Variants in WWOX observed in about 807,000 individuals in gnomAD.
WWOX encodes the protein WW domain containing oxidoreductase.
WWOX carries 69 observed loss-of-function variants against 46.2 expected under a neutral mutation model. That is an observed-to-expected ratio of 1.49 (90% CI 1.23 to 1.82). The LOEUF (loss-of-function observed/expected upper bound fraction) is 1.82. Among genes scored for constraint, WWOX ranks in the 40% most tolerant of loss-of-function variants. The pLI is 0.00. For synonymous variants in WWOX, 359 were observed against 202.6 expected (o/e 1.77, Z -6.56); for missense variants, 919 against 542.6 (o/e 1.69, Z -6.89).
At chr16:78,940,387 A>G (rs2045827983) in intron 8 of WWOX, among the ~76,000 whole-genome samples, 2 of 152,208 alleles carry the variant, frequency 1.3e-5, no homozygotes, top group Admixed American at 6.5e-5. Flanking sequence ...GTTACTTCCC[A>G]TCTTAGCTCA....
intron 8 of WWOX, among the ~76,000 whole-genome samples, chr16:78,630,874 C>T (rs572552271): frequency 2.5e-5 from 3 of 117,944 alleles, no homozygotes; most frequent in East Asian, 2.8e-4. Flanking sequence ...CATATGCAGT[C>T]AGCCCCCCTC....
At chr16:79,072,801 A>G (rs1470794560) in intron 8 of WWOX, among the ~76,000 whole-genome samples, 1 of 152,176 alleles carries the variant, frequency 6.6e-6, no homozygotes, top group Non-Finnish European at 1.5e-5. Context: ...AGTATTTAGT[A>G]AATGCTTGGT....
chr16:78,180,143 T>C (rs777109782), intron 5 of WWOX, among the ~76,000 whole-genome samples: 8 of 152,178 alleles, frequency 5.3e-5, no homozygotes, highest in African/African-American at 9.7e-5. Flanking sequence ...TTATTTACAG[T>C]CTATTATGTT....
chr16:79,083,107 C>T (rs1483430860), intron 8 of WWOX, among the ~76,000 whole-genome samples: 1 of 152,164 alleles, frequency 6.6e-6, no homozygotes. Flanking sequence ...GAACCTGACA[C>T]ATTTAAGGAA....
At chr16:78,575,021 AAATATATATATATATATATATATATAT>A (rs2044823748) in intron 8 of WWOX, among the ~76,000 whole-genome samples, 5 of 13,334 alleles carry the variant, frequency 3.7e-4, no homozygotes, top group African/African-American at 2.6e-3. Flanking sequence ...ATATATATAT[AAATATATATATATATATATATATATAT>A]ATATATATAT....
intron 5 of WWOX, among the ~76,000 whole-genome samples, chr16:78,315,705 C>T (rs543966815): frequency 9.9e-5 from 15 of 152,274 alleles, no homozygotes; most frequent in Non-Finnish European, 1.9e-4. Flanking sequence ...ACAATCATTT[C>T]TTGTGCGCTA....
intron 8 of WWOX, among the ~76,000 whole-genome samples, chr16:78,617,523 C>T (rs967973670): frequency 6.6e-6 from 1 of 152,090 alleles, no homozygotes; most frequent in African/African-American, 2.4e-5. Context: ...AAGTGGTGGA[C>T]TTAAGAAGCC....
intron 8 of WWOX, among the ~76,000 whole-genome samples, chr16:78,990,623 C>T (rs534364441): frequency 6.6e-6 from 1 of 151,320 alleles, no homozygotes; most frequent in Non-Finnish European, 1.5e-5. Flanking sequence ...GCGAACAGGC[C>T]AGAATGTGAT....
intron 6 of WWOX, among the ~76,000 whole-genome samples, chr16:78,407,728 A>G (rs551788554): frequency 2.0e-5 from 3 of 152,316 alleles, no homozygotes; most frequent in African/African-American, 7.2e-5. Flanking sequence ...TATATTGTGA[A>G]ACATGGCTAT....
chr16:78,728,176 T>C (rs576949586), intron 8 of WWOX, among the ~76,000 whole-genome samples: 5 of 148,378 alleles, frequency 3.4e-5, no homozygotes, highest in Admixed American at 6.8e-5. Flanking sequence ...GTGATTCTCC[T>C]GCCTCAGCCT....
intron 8 of WWOX, among the ~76,000 whole-genome samples, chr16:79,198,174 C>A (rs867781206): frequency 8.4e-4 from 103 of 122,084 alleles, no homozygotes; most frequent in East Asian, 3.3e-3. Flanking sequence ...AAAAAAAAAA[C>A]AAAAACCACA....
intron 8 of WWOX, among the ~76,000 whole-genome samples, chr16:78,983,827 A>G (rs2046730649): frequency 6.6e-6 from 1 of 150,530 alleles, no homozygotes; most frequent in African/African-American, 2.4e-5. Flanking sequence ...CTAATGCAGA[A>G]CGATAGGACT....
intron 8 of WWOX, among the ~76,000 whole-genome samples, chr16:78,499,938 A>G (rs1420961828): frequency 6.6e-6 from 1 of 152,202 alleles, no homozygotes; most frequent in Non-Finnish European, 1.5e-5. Flanking sequence ...GTAGTACCAA[A>G]TGGTCCTTAC....
intron 8 of WWOX, among the ~76,000 whole-genome samples, chr16:78,512,115 C>T (rs1006838487): frequency 3.3e-5 from 5 of 152,164 alleles, no homozygotes; most frequent in East Asian, 3.9e-4. Context: ...AATTTTAAAA[C>T]GCTGGAAAAA....
intron 8 of WWOX, among the ~76,000 whole-genome samples, chr16:78,517,208 C>T (rs1179876706): frequency 1.3e-5 from 2 of 152,084 alleles, no homozygotes; most frequent in African/African-American, 4.8e-5. Context: ...TATCAAGGAG[C>T]TTATCATCTA....
chr16:78,712,125 C>A (rs2048456921), intron 8 of WWOX, among the ~76,000 whole-genome samples: 1 of 152,130 alleles, frequency 6.6e-6, no homozygotes, highest in South Asian at 2.1e-4. Context: ...TGAGAAAATG[C>A]TCTGACCAAT....
intron 5 of WWOX, among the ~76,000 whole-genome samples, chr16:78,363,565 C>T (rs1437074567): frequency 6.6e-6 from 1 of 152,134 alleles, no homozygotes; most frequent in Non-Finnish European, 1.5e-5. Context: ...AGGTGTGAGC[C>T]ACTGTCCCAG....
chr16:78,236,776 A>T (rs1380988185), intron 5 of WWOX, among the ~76,000 whole-genome samples: 1 of 152,088 alleles, frequency 6.6e-6, no homozygotes, highest in Non-Finnish European at 1.5e-5. Flanking sequence ...TCCCATGATG[A>T]TAATATCTGT....
intron 8 of WWOX, among the ~76,000 whole-genome samples, chr16:78,779,762 A>G (rs2050279222): frequency 1.3e-5 from 2 of 152,152 alleles, no homozygotes; most frequent in South Asian, 2.1e-4. Context: ...CCTAGGCAGC[A>G]CGTTGGTGGC....
Sources: allele counts gnomAD v4.1 joint callset (sites outside exome capture counted in the v4.1 genomes callset), GRCh38; gene constraint gnomAD v4.1.1; transcripts MANE v1.5; gene names NCBI Gene and HGNC (gene_info 2026-07-23, HGNC 2026-07-21).